EPHB4: variants seen among roughly 807,000 people sequenced by gnomAD.
EPHB4 encodes ephrin type-B receptor 4.
In EPHB4, 50 loss-of-function variants were observed where a neutral mutation model predicts 110.6. The observed-to-expected ratio is 0.45, with a 90% CI of 0.36 to 0.57. EPHB4 has a LOEUF of 0.57. Among genes scored for constraint, EPHB4 ranks in the 20% least tolerant of loss-of-function variants. The pLI is 0.00. For synonymous variants in EPHB4, 592 were observed against 578.4 expected, an observed-to-expected ratio of 1.02 and a Z score of -0.34; for missense variants, 1,128 against 1,382.1, an observed-to-expected ratio of 0.82 and a Z score of 2.91.
In EPHB4 at chr7:100,806,716, G is replaced by A. The variant is rs897324295; in HGVS notation, c.2335-147C>T. ...CCTACTCTCCAACTCTGTTTGCCCA[G>A]GTTGGAGTGCAGTGGTGCGATCTTG... On this transcript the variant is annotated intron_variant, in intron 13 of 16. Coordinates refer to ENST00000358173, the MANE Select transcript of EPHB4 (RefSeq NM_004444.5). 3.0e-6 allele frequency: 3 copies of A among 992,308 alleles called. No homozygotes were observed. The South Asian group carries it at 5.2e-5, about 17-fold the overall frequency. The allele number at this position is 992,308 out of a possible 1,614,324, so 61.5% of individuals were successfully genotyped here.
Position 100,822,600 on chromosome 7 carries a change from T to C in EPHB4, c.479A>G (p.Asn160Ser), listed in dbSNP as rs1443610193. The stretch of plus-strand genomic sequence containing the variant: ...CGGTCCCAGACGCAGCGTCTTGACA[T>C]TCACCTTCCCGGTGGCCTCGGCCCC... The part of the protein sequence containing the change: ...RPGAEATGKV[N>S]VKTLRLGPLS... The change falls in exon 4 of 17, where the codon AAT becomes AGT. Residue 160 changes from asparagine to serine, a missense_variant. Asn to Ser is a conservative substitution (Grantham distance 46, BLOSUM62 1). Around this residue, in one of 3 missense-constraint regions of EPHB4, gnomAD observed 728 missense variants for 828.6 expected, o/e 0.88. Coordinates refer to ENST00000358173, the MANE Select transcript of EPHB4 (RefSeq NM_004444.5). This position sits in a 1 kb window ranked among gnomAD's most constrained non-coding sequence, Gnocchi z 4.7. The C allele has an allele frequency of 6.2e-7, 1 of 1,608,384 alleles. No individual in the cohort carries two copies. The highest frequency in any genetic ancestry group is 8.5e-7 in the Non-Finnish European group (1 of 1,176,516).
At chr7:100,815,324 AAAAC>A (rs1813042584) in intron 8 of EPHB4, among the ~76,000 whole-genome samples, 1 of 152,126 alleles carries the variant, frequency 6.6e-6, no homozygotes, top group Non-Finnish European at 1.5e-5. Flanking sequence ...CCCTGTTTCC[AAAAC>A]AAACAAAAAA....
At chr7:100,813,029 C>A (rs773020623) in intron 11 of EPHB4, 35 bp from the exon 12 acceptor site, 2 of 1,612,324 alleles carry the variant, frequency 1.2e-6, no homozygotes, top group Non-Finnish European at 1.7e-6. Flanking sequence ...TCAGCTCTCC[C>A]GCTCCAGTGT....
intron 8 of EPHB4, among the ~76,000 whole-genome samples, chr7:100,816,284 G>C (rs1813064857): frequency 6.6e-6 from 1 of 152,150 alleles, no homozygotes; most frequent in African/African-American, 2.4e-5. Flanking sequence ...TTTGTTGGAT[G>C]GGGAATGGGG....
Position 100,803,469 on chromosome 7 carries a change from G to T in EPHB4, c.2956C>A (p.Gln986Lys), listed in dbSNP as rs1312285225. 6.4e-7 allele frequency: 1 copy of T among 1,573,398 alleles called. No individual in the cohort carries two copies. The highest frequency in any genetic ancestry group is 8.6e-7 in the Non-Finnish European group (1 of 1,156,532). Residue 986 changes from glutamine to lysine, a missense_variant, in exon 17 of 17, where the codon CAG becomes AAG. Gln to Lys is a moderately conservative substitution (Grantham distance 53). Transcript: ENST00000358173. The part of the protein sequence containing the change: ...TPGGTGGPAP[Q>K]Y ...TGGGGAGTTCCTGCAGGTCAGTACT[G>T]CGGGGCCGGTCCTCCTGTCCCACCC...
chr7:100,822,449 A>G lies in EPHB4; in HGVS notation c.630T>C (p.Thr210=). ...CGGGCACAACCAGCTCCCGAGGCAC[A>G]GTCTCCGGGAATCGAGTCAGGTTCA... is the stretch of plus-strand genomic sequence containing the variant. The part of the protein sequence containing the change: ...LTVNLTRFPE[T]VPRELVVPVA... The change falls in exon 4 of 17, where the codon ACT becomes ACC. Residue 210 remains threonine, a synonymous_variant. Coordinates refer to ENST00000358173, the MANE Select transcript of EPHB4 (RefSeq NM_004444.5). This position sits in a 1 kb window ranked among gnomAD's most constrained non-coding sequence, Gnocchi z 4.7. The G allele has an allele frequency of 6.2e-7, 1 of 1,605,200 alleles. No homozygotes were observed. The highest frequency in any genetic ancestry group is 8.5e-7 in the Non-Finnish European group (1 of 1,173,802).
chr7:100,820,352 T>G, intron 4 of EPHB4, 56 bp from the exon 5 acceptor site: 1 of 1,559,456 alleles, frequency 6.4e-7, no homozygotes, highest in Non-Finnish European at 8.7e-7. Flanking sequence ...ATCTGCACGG[T>G]GGGCTCGGTG....
rs1813428790 is a variant in EPHB4 at position 100,827,142 on chromosome 7, C to G, written c.-112G>C. On this transcript the variant is annotated 5_prime_UTR_variant, in exon 1 of 17. Transcript: ENST00000358173. ...CGATACTCCGCGCGGGACTCCTCGT[C>G]GGGGCCCTCAGCGCGGGCCCATGCG... is the stretch of plus-strand genomic sequence containing the variant. 1 of 1,228,048 alleles carries G rather than the reference C, an allele frequency of 8.1e-7. No homozygotes were observed. The highest frequency in any genetic ancestry group is 1.5e-5 in the South Asian group (1 of 67,290). 76.1% of individuals were successfully genotyped at this position (1,228,048 alleles called of 1,614,324 possible).
chr7:100,807,762 G>A (rs1006429530), intron 12 of EPHB4, among the ~76,000 whole-genome samples, 182 bp from the exon 13 acceptor site: 4 of 151,960 alleles, frequency 2.6e-5, no homozygotes, highest in African/African-American at 7.3e-5. Context: ...CTGAGTAGCT[G>A]GAACAATAGG....
intron 12 of EPHB4, 86 bp from the exon 13 acceptor site, chr7:100,807,666 G>A: frequency 5.0e-6 from 7 of 1,410,580 alleles, no homozygotes; most frequent in Non-Finnish European, 6.8e-6. Flanking sequence ...TTTAGAGACA[G>A]GGTCTTGTTC....
chr7:100,820,513 T>C (rs1813198683), intron 4 of EPHB4: 1 of 441,998 alleles, frequency 2.3e-6, no homozygotes, highest in African/African-American at 2.0e-5. Flanking sequence ...GATGAAGTGC[T>C]AAGGTGGGAA....
chr7:100,803,838 G>A (rs1812754558), intron 16 of EPHB4, among the ~76,000 whole-genome samples: 1 of 152,110 alleles, frequency 6.6e-6, no homozygotes. Flanking sequence ...TGCCAGGGAA[G>A]GAAAGAAAAG....
At chr7:100,809,789 C>T (rs991002827) in intron 12 of EPHB4, among the ~76,000 whole-genome samples, 1 of 152,160 alleles carries the variant, frequency 6.6e-6, no homozygotes, top group Non-Finnish European at 1.5e-5. Context: ...GCTGGGATTA[C>T]AGGTGTGTGT....
rs1813304842 is a variant in EPHB4 at position 100,823,856 on chromosome 7, G to A, written c.199C>T (p.Pro67Ser). The change falls in exon 3 of 17, where the codon CCG becomes TCG. Residue 67 changes from proline (P) to serine (S), a missense_variant. Transcript: ENST00000358173. ...TYEVCDVQRA[P>S]GQAHWLRTGW... is the part of the protein sequence containing the mutation. The stretch of plus-strand genomic sequence containing the variant: ...GTGCGAAGCCAGTGGGCCTGGCCCG[G>A]GGCACGCTGCACGTCACACACTTCG... 6.2e-7 allele frequency: 1 copy of A among 1,612,530 alleles called. No individual in the cohort carries two copies. Among genetic ancestry groups the A allele is most frequent in the Non-Finnish European group, 8.5e-7 (1 of 1,179,670 alleles).
At chr7:100,814,905 T>C (rs1398819806) in intron 8 of EPHB4, among the ~76,000 whole-genome samples, 4 of 152,064 alleles carry the variant, frequency 2.6e-5, no homozygotes, top group Non-Finnish European at 5.9e-5. Flanking sequence ...TGGTCCCAGA[T>C]ACTCAGGAGG....
chr7:100,817,082 CAAAAAAAAAAA>C, intron 8 of EPHB4, 99 bp downstream of exon 8: 1 of 780,364 alleles, frequency 1.3e-6, no homozygotes, highest in Non-Finnish European at 1.7e-6. Context: ...GACTCCATCT[CAAAAAAAAAAA>C]AAAAAAAAAA....
rs1457869824 is a variant in EPHB4 at position 100,817,231 on chromosome 7, G to T, written c.1549C>A (p.Pro517Thr). 3 of 1,599,622 alleles carry T rather than the reference G, an allele frequency of 1.9e-6. No individual in the cohort carries two copies. In the Admixed American group the frequency reaches 5.1e-5, roughly 27 times the overall value. ...VRARSEAGYG[P>T]FGQEHHSQTQ... The stretch of plus-strand genomic sequence containing the variant: ...TGGCTGTGATGTTCCTGGCCGAAGG[G>T]CCCGTAGCCGGCCTCAGAGCGCGCC... The change falls in exon 8 of 17, where the codon CCC (proline) becomes ACC (threonine). Residue 517 changes from proline to threonine, a missense_variant. Around this residue, in one of 3 missense-constraint regions of EPHB4, gnomAD observed 728 missense variants for 828.6 expected, o/e 0.88. Coordinates refer to ENST00000358173, the MANE Select transcript of EPHB4 (RefSeq NM_004444.5).
At position 100,813,995 on chromosome 7, in the gene EPHB4, C is replaced by T. The variant is rs752550183; in HGVS notation, c.1615G>A (p.Ala539Thr). ...ACGACTGCCGTGCCCGCAATCAGGG[C>T]CAGCTGCTCCCGCCAGCCCTCGCTC... is the stretch of plus-strand genomic sequence containing the variant. Reference protein sequence around the residue: ...DESEGWREQLALIAGTAVVGV... With the variant: ...DESEGWREQLTLIAGTAVVGV... The change falls in exon 9 of 17, where the codon GCC becomes ACC. Residue 539 changes from alanine (A) to threonine (T), a missense_variant. This residue lies in a region of EPHB4 where 728 missense variants were observed against 828.6 expected (regional missense o/e 0.88). Transcript: ENST00000358173. The T allele has an allele frequency of 6.2e-7, 1 of 1,614,160 alleles. No homozygotes were observed. The highest frequency in any genetic ancestry group is 1.1e-5 in the South Asian group (1 of 91,068).
chr7:100,827,036 C>T lies in EPHB4; in HGVS notation c.-6G>A. 1 of 1,580,188 alleles carries T rather than the reference C, an allele frequency of 6.3e-7. No homozygotes were observed. On this transcript the variant is annotated 5_prime_UTR_variant, in exon 1 of 17. Coordinates refer to ENST00000358173, the MANE Select transcript of EPHB4 (RefSeq NM_004444.5). Reference sequence around the variant, plus strand: ...AGCAGCACCCGGAGCTCCATGGCGCCGCCTCACTCGGGTAGGATCCGAACT... The same window carrying T: ...AGCAGCACCCGGAGCTCCATGGCGCTGCCTCACTCGGGTAGGATCCGAACT...
Sources: gnomAD v4.1 joint callset for allele counts (sites outside exome capture counted in the v4.1 genomes callset) on GRCh38, gnomAD v4.1.1 for gene constraint, gnomAD v4.1.1 regional missense constraint, Gnocchi (gnomAD v3.1) non-coding constraint, MANE v1.5 for transcripts, NCBI Gene and HGNC (gene_info 2026-07-23, HGNC 2026-07-21) for gene names.